PCDH15: variants seen among roughly 807,000 people sequenced by gnomAD.
The protein encoded by PCDH15 is protocadherin-15.
Under a neutral mutation model 178.5 loss-of-function variants are expected in PCDH15, and 129 were observed. The ratio of observed to expected loss-of-function variants is 0.72; its 90% confidence interval spans 0.63 to 0.84. The LOEUF (loss-of-function observed/expected upper bound fraction) is 0.84, where lower values mean the gene tolerates loss of function less well. Among genes scored for constraint, PCDH15 ranks in the 40% least tolerant of loss-of-function variants. PCDH15 has a pLI of 0.00. For synonymous variants in PCDH15, 800 were observed against 732.0 expected (o/e 1.09, Z -1.50); for missense variants, 2,230 against 2,099.9 (o/e 1.06, Z -1.21).
intron 32 of PCDH15, chr10:53,821,293 A>ATGT: frequency 1.0e-6 from 1 of 985,776 alleles, no homozygotes; most frequent in Non-Finnish European, 1.2e-6. Flanking sequence ...AGATGACTAC[A>ATGT]TGTTATAGCA....
intron 7 of PCDH15, 88 bp from the exon 8 acceptor site, chr10:54,317,529 C>G: frequency 6.8e-7 from 1 of 1,466,572 alleles, no homozygotes; most frequent in Non-Finnish European, 9.5e-7. Flanking sequence ...AATCCCAGAA[C>G]TTTGGGAGGC....
chr10:55,124,641 C>T (rs997036072), intron 2 of PCDH15, among the ~76,000 whole-genome samples: 1 of 152,044 alleles, frequency 6.6e-6, no homozygotes, highest in Non-Finnish European at 1.5e-5. Flanking sequence ...GTTTCTCTAT[C>T]ACATTTAAGG....
At chr10:53,901,928 A>T (rs2082361380) in intron 26 of PCDH15, among the ~76,000 whole-genome samples, 1 of 152,128 alleles carries the variant, frequency 6.6e-6, no homozygotes, top group Non-Finnish European at 1.5e-5. Flanking sequence ...TAACTTACTC[A>T]TCTATTCATT....
At chr10:54,097,964 T>C (rs575284254) in intron 15 of PCDH15, among the ~76,000 whole-genome samples, 43 of 152,254 alleles carry the variant, frequency 2.8e-4, no homozygotes, top group Middle Eastern at 6.8e-3. Context: ...ACATTCTTCC[T>C]CAGTATCATA....
Position 55,507,359 on chromosome 10 carries a change from CACACAT to C in PCDH15, c.-156+120260_-156+120265del, listed in dbSNP as rs534923299. On this transcript the variant is annotated intron_variant, in intron 2 of 5. Coordinates refer to the PCDH15 transcript ENST00000613346. ...ATGCACATACACACACATATGCACA[CACACAT>C]ACACATACACAAACACACACACGCA... Among the ~76,000 whole-genome samples the C allele has an allele frequency of 1.3e-3, 191 of 151,572 alleles. 1 individual carries two copies. The highest frequency in any genetic ancestry group is 3.4e-3 in the Middle Eastern group (1 of 292).
intron 3 of PCDH15, among the ~76,000 whole-genome samples, chr10:54,829,280 A>T (rs1207368819): frequency 6.6e-6 from 1 of 151,974 alleles, no homozygotes; most frequent in Non-Finnish European, 1.5e-5. Flanking sequence ...GTCAGTTAGT[A>T]ACCTAGATTC....
chr10:55,390,965 T>G (rs934917220), intron 2 of PCDH15, among the ~76,000 whole-genome samples: 1 of 152,204 alleles, frequency 6.6e-6, no homozygotes, highest in Non-Finnish European at 1.5e-5. Flanking sequence ...GAATGGCAAG[T>G]GTGCATTGGT....
chr10:54,333,746 C>T (rs74136127), intron 6 of PCDH15, among the ~76,000 whole-genome samples: 4,126 of 152,160 alleles, frequency 0.027, 175 homozygotes, highest in African/African-American at 0.095. Context: ...CCAAAATTCC[C>T]GAAATTCTTG....
chr10:53,903,477 A>G, intron 25 of PCDH15, 107 bp from the exon 26 acceptor site: 2 of 1,348,124 alleles, frequency 1.5e-6, no homozygotes, highest in South Asian at 2.4e-5. Context: ...TTGAAAATAA[A>G]TCAAAAGCCA....
At chr10:54,969,719 A>T (rs183041055) in intron 2 of PCDH15, among the ~76,000 whole-genome samples, 1 of 152,190 alleles carries the variant, frequency 6.6e-6, no homozygotes, top group Non-Finnish European at 1.5e-5. Context: ...GTAGCTCAAA[A>T]GTATCTTCAG....
chr10:55,550,143 C>G (rs1841974971), intron 2 of PCDH15, among the ~76,000 whole-genome samples: 1 of 151,948 alleles, frequency 6.6e-6, no homozygotes, highest in Non-Finnish European at 1.5e-5. Flanking sequence ...GTACTTATGA[C>G]AGAATAGGGG....
chr10:55,191,287 T>G (rs970063087), intron 1 of PCDH15, among the ~76,000 whole-genome samples: 2 of 151,792 alleles, frequency 1.3e-5, no homozygotes, highest in African/African-American at 2.4e-5. Flanking sequence ...TTATCTACTT[T>G]TCTATCAGCA....
At chr10:53,838,810 G>T (rs964507982) in intron 29 of PCDH15, among the ~76,000 whole-genome samples, 1 of 151,934 alleles carries the variant, frequency 6.6e-6, no homozygotes, top group Admixed American at 6.6e-5. Flanking sequence ...GCTTCATTTT[G>T]GTGGTGACTA....
At chr10:54,386,007 C>CT (rs1949872998) in intron 3 of PCDH15, among the ~76,000 whole-genome samples, 2 of 151,556 alleles carry the variant, frequency 1.3e-5, no homozygotes, top group South Asian at 4.2e-4. Context: ...CTCTTAATGT[C>CT]TTTTTTAGCT....
intron 3 of PCDH15, among the ~76,000 whole-genome samples, chr10:54,479,376 ATGTGTG>A (rs915878594): frequency 3.9e-5 from 6 of 151,930 alleles, no homozygotes; most frequent in Admixed American, 1.3e-4. Context: ...TAAAACTTAA[ATGTGTG>A]TGTGTAACAT....
intron 11 of PCDH15, 75 bp downstream of exon 11, chr10:54,195,608 T>C: frequency 7.9e-7 from 1 of 1,264,306 alleles, no homozygotes; most frequent in Non-Finnish European, 1.2e-6. Context: ...TGTAGCCATA[T>C]CTTTGTCATA....
intron 13 of PCDH15, among the ~76,000 whole-genome samples, chr10:54,178,121 G>C: frequency 6.6e-6 from 1 of 152,148 alleles, no homozygotes. Flanking sequence ...AGAGAAGTAG[G>C]ATGGGAACCA....
intron 14 of PCDH15, among the ~76,000 whole-genome samples, chr10:54,146,895 C>CATATATATACAGTGTATATATATAGTGT: frequency 2.3e-5 from 1 of 43,658 alleles, no homozygotes; most frequent in African/African-American, 9.5e-5. Flanking sequence ...TGTGTGTATA[C>CATATATATACAGTGTATATATATAGTGT]ATATATATAT....
intron 2 of PCDH15, among the ~76,000 whole-genome samples, chr10:54,946,955 C>T (rs1349914885): frequency 6.6e-6 from 1 of 151,860 alleles, no homozygotes; most frequent in Non-Finnish European, 1.5e-5. Flanking sequence ...ATTAGCAATG[C>T]TCTATTCACA....
Sources: allele counts gnomAD v4.1 joint callset (sites outside exome capture counted in the v4.1 genomes callset), GRCh38; gene constraint gnomAD v4.1.1; transcripts MANE v1.5; gene names NCBI Gene and HGNC (gene_info 2026-07-23, HGNC 2026-07-21).